Variants in ZNF407 observed in about 807,000 individuals in gnomAD.
The protein encoded by ZNF407 is zinc finger protein 407.
A neutral mutation model predicts 131.2 loss-of-function variants in ZNF407; 17 were observed. The ratio of observed to expected loss-of-function variants is 0.13; its 90% CI spans 0.09 to 0.19. The LOEUF is 0.19. Ranked by LOEUF, ZNF407 falls within the 10% of genes least tolerant of loss-of-function variation. The pLI, the probability that ZNF407 is intolerant of heterozygous loss-of-function variation, is 1.00. For missense variants in ZNF407, 2,681 were observed against 2,830.6 expected (o/e 0.95, Z 1.20); for synonymous variants, 1,156 against 1,062.0 (o/e 1.09, Z -1.72).
At chr18:74,942,060 G>A (rs897848366) in intron 8 of ZNF407, among the ~76,000 whole-genome samples, 22 of 151,776 alleles carry the variant, frequency 1.4e-4, no homozygotes, top group African/African-American at 5.3e-4. Context: ...TGGATTAACT[G>A]CCATGCCCTC....
intron 4 of ZNF407, among the ~76,000 whole-genome samples, chr18:74,845,366 C>G (rs1331389889): frequency 1.3e-5 from 2 of 152,126 alleles, no homozygotes; most frequent in African/African-American, 4.8e-5. Flanking sequence ...CGAGAATTAG[C>G]TTCTACAACT....
intron 8 of ZNF407, among the ~76,000 whole-genome samples, chr18:74,995,897 G>A (rs1267969806): frequency 6.6e-6 from 1 of 152,126 alleles, no homozygotes; most frequent in Non-Finnish European, 1.5e-5. Flanking sequence ...TTTTAGAATT[G>A]TTAGAAGCTT....
intron 1 of ZNF407, among the ~76,000 whole-genome samples, chr18:74,612,915 C>A (rs1313403659): frequency 1.3e-5 from 2 of 152,120 alleles, no homozygotes; most frequent in Non-Finnish European, 2.9e-5. Flanking sequence ...AAAATCAAGG[C>A]AGAAATGGGA....
intron 3 of ZNF407, among the ~76,000 whole-genome samples, chr18:74,648,268 G>T (rs1433764238): frequency 6.6e-6 from 1 of 152,162 alleles, no homozygotes; most frequent in Non-Finnish European, 1.5e-5. Flanking sequence ...TCCAGGCGGG[G>T]GTTGCAGCAG....
chr18:74,779,051 C>A (rs1969535386), intron 3 of ZNF407, among the ~76,000 whole-genome samples: 1 of 134,322 alleles, frequency 7.4e-6, no homozygotes, highest in Non-Finnish European at 1.5e-5. Flanking sequence ...AATATTATGT[C>A]CATATGGGTC....
At chr18:75,054,810 G>T (rs1973542587) in intron 8 of ZNF407, among the ~76,000 whole-genome samples, 1 of 152,226 alleles carries the variant, frequency 6.6e-6, no homozygotes, top group Non-Finnish European at 1.5e-5. Flanking sequence ...GGCGCTATTT[G>T]TCTGGTAGAG....
In ZNF407 at chr18:74,969,540, T is replaced by G. The variant is rs142173790; in HGVS notation, c.5428+48848T>G. Among the ~76,000 whole-genome samples the G allele has an allele frequency of 4.5e-3, 693 of 152,326 alleles. 5 individuals are homozygous for G. The highest frequency in any genetic ancestry group is 0.015 in the African/African-American group (637 of 41,568). ...GATCTGAGGCTGCTGGAGCTCCCAG[T>G]GAACTCTGCTGTGGCTGCCTGAGGG... is the stretch of plus-strand genomic sequence containing the variant. On this transcript the variant is annotated intron_variant, in intron 8 of 8. Transcript: ENST00000299687.
intron 5 of ZNF407, among the ~76,000 whole-genome samples, chr18:74,880,059 T>C (rs187563884): frequency 3.9e-5 from 6 of 152,362 alleles, no homozygotes; most frequent in Admixed American, 1.3e-4. Context: ...TAGTTAAAGA[T>C]AGATACAAAT....
intron 3 of ZNF407, among the ~76,000 whole-genome samples, chr18:74,727,938 A>G (rs769736895): frequency 2.6e-5 from 4 of 152,196 alleles, no homozygotes; most frequent in Admixed American, 6.5e-5. Context: ...ACAGGTGGAG[A>G]TGCCAGTGAT....
At position 74,736,208 on chromosome 18, in the gene ZNF407, A is replaced by G. The variant is rs577096031; in HGVS notation, c.4803-45220A>G. Among the ~76,000 whole-genome samples, 15 of 152,258 alleles carry G rather than the reference A, an allele frequency of 9.9e-5. No homozygotes were observed. In the South Asian group the frequency reaches 2.9e-3, roughly 29 times the overall value. On this transcript the variant is annotated intron_variant, in intron 3 of 8. Transcript: ENST00000299687. Reference sequence around the variant, plus strand: ...AAGAAAAATATTTTAGATTACAGCAATGGAGAGCTTGCTGTGTTTTGCACT... The same window carrying G: ...AAGAAAAATATTTTAGATTACAGCAGTGGAGAGCTTGCTGTGTTTTGCACT...
chr18:74,952,471 T>C (rs1363033843), intron 8 of ZNF407, among the ~76,000 whole-genome samples: 1 of 152,074 alleles, frequency 6.6e-6, no homozygotes, highest in Non-Finnish European at 1.5e-5. Flanking sequence ...GCCACTGTTC[T>C]AGATCCTGGA....
At chr18:74,782,090 G>A (rs1207156387) in intron 4 of ZNF407, among the ~76,000 whole-genome samples, 1 of 152,140 alleles carries the variant, frequency 6.6e-6, no homozygotes, top group East Asian at 1.9e-4. Flanking sequence ...ATATAGCAGT[G>A]TCAGCTACCA....
At chr18:74,802,428 A>T (rs1365866838) in intron 4 of ZNF407, among the ~76,000 whole-genome samples, 1 of 152,132 alleles carries the variant, frequency 6.6e-6, no homozygotes, top group East Asian at 1.9e-4. Context: ...AGGCATTTTT[A>T]TTTTGTTGCA....
chr18:74,802,377 TTTTC>T (rs1450317947), intron 4 of ZNF407, among the ~76,000 whole-genome samples: 1 of 152,214 alleles, frequency 6.6e-6, no homozygotes, highest in Non-Finnish European at 1.5e-5. Context: ...CAAGTTATTA[TTTTC>T]CTAGTGTAAA....
At chr18:74,857,060 C>G (rs1489935902) in intron 4 of ZNF407, among the ~76,000 whole-genome samples, 2 of 152,200 alleles carry the variant, frequency 1.3e-5, no homozygotes, top group African/African-American at 4.8e-5. Context: ...GATTTAAGAA[C>G]GGGTAAAGAT....
At chr18:74,611,188 G>A (rs914389780) in intron 1 of ZNF407, among the ~76,000 whole-genome samples, 3 of 152,186 alleles carry the variant, frequency 2.0e-5, no homozygotes, top group African/African-American at 7.2e-5. Flanking sequence ...CTTTCAGAAG[G>A]CAATGCAGGA....
At chr18:74,781,367 G>T in intron 3 of ZNF407, 61 bp from the exon 4 acceptor site, 8 of 1,165,896 alleles carry the variant, frequency 6.9e-6, no homozygotes, top group Non-Finnish European at 9.8e-6. Flanking sequence ...AGTTCTCTTT[G>T]TACAGATTTC....
rs191572900 is a variant in ZNF407 at position 74,851,722 on chromosome 18, C to T, written c.4878-25475C>T. ...CAGCAGATTTAGATGAATGAGTTCT[C>T]ATCATAAACATTCTGAGAAAAATCG... On this transcript the variant is annotated intron_variant, in intron 4 of 8. Coordinates refer to ENST00000299687, the MANE Select transcript of ZNF407 (RefSeq NM_017757.3). 3.2e-4 allele frequency among the ~76,000 whole-genome samples: 48 copies of T among 152,224 alleles called. 1 individual carries two copies. The East Asian group carries it at 6.6e-3, about 21-fold the overall frequency.
At chr18:74,806,341 T>A (rs1380246854) in intron 4 of ZNF407, among the ~76,000 whole-genome samples, 5 of 152,236 alleles carry the variant, frequency 3.3e-5, no homozygotes, top group Non-Finnish European at 7.3e-5. Flanking sequence ...CAGTGTGATA[T>A]GTTGGGAAGT....
Sources: gnomAD v4.1 joint callset for allele counts (sites outside exome capture counted in the v4.1 genomes callset) on GRCh38, gnomAD v4.1.1 for gene constraint, MANE v1.5 for transcripts, NCBI Gene and HGNC (gene_info 2026-07-23, HGNC 2026-07-21) for gene names.